The following TSPOAP1 variants were observed in gnomAD, a reference collection of about 807,000 sequenced individuals.
TSPOAP1 encodes the protein peripheral-type benzodiazepine receptor-associated protein 1.
In TSPOAP1, 87 loss-of-function variants were observed where a neutral mutation model predicts 197.0. The ratio of observed to expected loss-of-function variants is 0.44; its 90% CI spans 0.37 to 0.53. The LOEUF (loss-of-function observed/expected upper bound fraction) is 0.53. Ranked by LOEUF, TSPOAP1 falls within the 20% of genes least tolerant of loss-of-function variation. The probability of loss-of-function intolerance (pLI) is 0.00; values close to 1 mark genes in which losing one functional copy is unlikely to be tolerated. For synonymous variants in TSPOAP1, 913 were observed against 998.9 expected (o/e 0.91, Z 1.62); for missense variants, 2,174 against 2,411.3 (o/e 0.90, Z 2.06).
chr17:58,307,600 G>A lies in TSPOAP1; in HGVS notation c.4983+11C>T, dbSNP rs201058081. 5.3e-5 allele frequency: 86 copies of A among 1,612,402 alleles called. No individual in the cohort carries two copies. The highest frequency in any genetic ancestry group is 2.2e-5 in the South Asian group (2 of 90,832). On this transcript the variant is annotated intron_variant, in intron 24 of 31. Coordinates refer to ENST00000343736, the MANE Select transcript of TSPOAP1 (RefSeq NM_004758.4). ...GTTTGGAATTCTGAGCCCTGATGGCGAATCAGTCACCTTCAGGATCTGACC... is the reference window on the plus strand; with the variant it reads ...GTTTGGAATTCTGAGCCCTGATGGCAAATCAGTCACCTTCAGGATCTGACC...
intron 12 of TSPOAP1, among the ~76,000 whole-genome samples, chr17:58,319,571 T>C (rs1317614932): frequency 1.3e-5 from 2 of 152,236 alleles, no homozygotes; most frequent in African/African-American, 4.8e-5. Context: ...CCCTAGGCGA[T>C]GGCACCTCTG....
Position 58,328,169 on chromosome 17 carries a change from G to A in TSPOAP1, c.-249C>T. The A allele has an allele frequency of 1.8e-6, 1 of 548,508 alleles. No homozygotes were observed. The highest frequency in any genetic ancestry group is 3.3e-6 in the Non-Finnish European group (1 of 304,708). 34.0% of individuals were successfully genotyped at this position (548,508 alleles called of 1,614,324 possible). Reference sequence around the variant, plus strand: ...TAGCTGTGTGTGTGCGCGAGTATGTGGAGGAGCGAGGGTGTCCCTGTGGGG... The same window carrying A: ...TAGCTGTGTGTGTGCGCGAGTATGTAGAGGAGCGAGGGTGTCCCTGTGGGG... On this transcript the variant is annotated 5_prime_UTR_variant, in exon 1 of 32. Transcript: ENST00000343736. This position sits in a 1 kb window ranked among gnomAD's most constrained non-coding sequence, Gnocchi z 4.3.
chr17:58,318,442 G>A lies in TSPOAP1; in HGVS notation c.1710C>T (p.Leu570=), dbSNP rs371793191. The part of the protein sequence containing the change: ...CRGSGPKDLD[L]PPGSPGRCTP... ...TGCAGCGCCCAGGGGAGCCCGGCGG[G>A]AGGTCAAGGTCTAAAGAGAAGATGG... Residue 570 remains leucine, a synonymous_variant, in exon 14 of 32, where the codon CTC becomes CTT. Transcript: ENST00000343736. 8.7e-6 allele frequency: 14 copies of A among 1,612,656 alleles called. No homozygotes were observed. In the African/African-American group the frequency reaches 1.5e-4, roughly 17 times the overall value.
chr17:58,311,342 C>CCTCT, intron 18 of TSPOAP1, 129 bp from the exon 19 acceptor site: 1 of 1,368,342 alleles, frequency 7.3e-7, no homozygotes, highest in Non-Finnish European at 9.9e-7. Context: ...TGTGCTAAGC[C>CCTCT]CTCTGCATGG....
Position 58,322,905 on chromosome 17 carries a change from G to A in TSPOAP1, c.1194+45C>T, listed in dbSNP as rs377282189. The A allele has an allele frequency of 6.2e-7, 1 of 1,604,304 alleles. No individual in the cohort carries two copies. Among genetic ancestry groups the A allele is most frequent in the East Asian group, 2.2e-5 (1 of 44,452 alleles). On this transcript the variant is annotated intron_variant, in intron 8 of 31. Transcript: ENST00000343736. This position sits in a 1 kb window ranked among gnomAD's most constrained non-coding sequence, Gnocchi z 5.0. ...AGCCCCTTGGCTGGGGACCGGGGCA[G>A]TGGTGGGAGCACAGGTCTCCACAGC...
rs1971593018 is a variant in TSPOAP1 at position 58,326,134 on chromosome 17, C to G, written c.570+159G>C. On this transcript the variant is annotated intron_variant, in intron 3 of 31. Coordinates refer to ENST00000343736, the MANE Select transcript of TSPOAP1 (RefSeq NM_004758.4). The surrounding 1 kb of genome is among the most constrained non-coding windows in gnomAD (Gnocchi z 4.7). ...AGAAACCTTTGGCCTCCTTGCCTGG[C>G]CAGCCTCTGCCCTTCCTGCACCTTA... is the stretch of plus-strand genomic sequence containing the variant. 6.6e-6 allele frequency among the ~76,000 whole-genome samples: 1 copy of G among 152,190 alleles called. No homozygotes were observed. Among genetic ancestry groups the G allele is most frequent in the Non-Finnish European group, 1.5e-5 (1 of 68,034 alleles).
intron 13 of TSPOAP1, 149 bp from the exon 14 acceptor site, chr17:58,318,601 A>T (rs1956817403): frequency 1.3e-6 from 1 of 756,048 alleles, no homozygotes; most frequent in African/African-American, 1.8e-5. Flanking sequence ...CTTACTAAAT[A>T]GAGGTATAGC....
At chr17:58,323,629 G>T (rs1214936814) in intron 5 of TSPOAP1, 84 bp from the exon 6 acceptor site, 28 of 1,410,502 alleles carry the variant, frequency 2.0e-5, no homozygotes, top group Non-Finnish European at 2.6e-5. Context: ...CCCAGAGCAG[G>T]TTCCCACCCC....
chr17:58,318,281 T>C lies in TSPOAP1; in HGVS notation c.1871A>G (p.Glu624Gly). 6.2e-7 allele frequency: 1 copy of C among 1,613,792 alleles called. No homozygotes were observed. The highest frequency in any genetic ancestry group is 8.5e-7 in the Non-Finnish European group (1 of 1,179,820). ...TTCAGGCCCCACCCCAGCAATTACCTCAGGTGTAGGGCATGACTTGGGGCT... is the reference window on the plus strand; with the variant it reads ...TTCAGGCCCCACCCCAGCAATTACCCCAGGTGTAGGGCATGACTTGGGGCT... ...HNSPKSCPTP[E>G]VDTASEVEEL... The change falls in exon 14 of 32, where the codon GAG (glutamate) becomes GGG (glycine). Residue 624 changes from glutamate (E) to glycine (G), a missense_variant and splice_region_variant. This residue lies in a region of TSPOAP1 where 1,933 missense variants were observed against 2,139.0 expected (regional missense o/e 0.90). Coordinates refer to ENST00000343736, the MANE Select transcript of TSPOAP1 (RefSeq NM_004758.4).
At position 58,309,816 on chromosome 17, in the gene TSPOAP1, G is replaced by A. The variant is rs1971025005; in HGVS notation, c.3891+151C>T. 3 of 1,048,266 alleles carry A rather than the reference G, an allele frequency of 2.9e-6. No homozygotes were observed. Among genetic ancestry groups the A allele is most frequent in the South Asian group, 3.3e-5 (2 of 59,944 alleles). 64.9% of individuals were successfully genotyped at this position (1,048,266 alleles called of 1,614,324 possible). A position where few individuals can be genotyped will look rare whatever the true frequency, so the allele number is the denominator to read the frequency against. On this transcript the variant is annotated intron_variant, in intron 21 of 31. Transcript: ENST00000343736. The surrounding 1 kb of genome is among the most constrained non-coding windows in gnomAD (Gnocchi z 5.0). ...CAGGAGGGCAGGGGCCAATCCTGGGGCACTTCCTATCTTCTGCTTAGGACA... is the reference window on the plus strand; with the variant it reads ...CAGGAGGGCAGGGGCCAATCCTGGGACACTTCCTATCTTCTGCTTAGGACA...
intron 31 of TSPOAP1, 170 bp from the exon 32 acceptor site, chr17:58,302,617 T>A: frequency 3.2e-6 from 1 of 316,028 alleles, no homozygotes; most frequent in Non-Finnish European, 5.6e-6. Flanking sequence ...ACAGCACAGG[T>A]GGTGAATGGG....
intron 10 of TSPOAP1, 100 bp from the exon 11 acceptor site, chr17:58,320,681 G>T: frequency 1.1e-6 from 1 of 927,878 alleles, no homozygotes; most frequent in Non-Finnish European, 1.5e-6. Context: ...CAGAGGCAGG[G>T]GAGGAAGAAG....
intron 10 of TSPOAP1, chr17:58,321,986 G>A (rs1374505632): frequency 1.5e-5 from 5 of 325,158 alleles, no homozygotes; most frequent in Non-Finnish European, 2.8e-5. Context: ...CAGAGCATGT[G>A]CATGTCTACA....
intron 26 of TSPOAP1, 105 bp downstream of exon 26, chr17:58,306,237 C>T (rs1042610452): frequency 8.3e-7 from 1 of 1,199,360 alleles, no homozygotes; most frequent in Non-Finnish European, 1.2e-6. Context: ...CACCCACCAG[C>T]ACACACATCC....
intron 1 of TSPOAP1, among the ~76,000 whole-genome samples, chr17:58,327,035 C>T (rs1346779878): frequency 6.6e-6 from 1 of 152,184 alleles, no homozygotes. Flanking sequence ...CTTCCCATTC[C>T]TACCCATCTT....
intron 10 of TSPOAP1, among the ~76,000 whole-genome samples, chr17:58,321,053 A>G (rs1404729159): frequency 6.6e-6 from 1 of 152,082 alleles, no homozygotes; most frequent in Non-Finnish European, 1.5e-5. Context: ...TCCAAGACCA[A>G]CTTACCCATA....
intron 13 of TSPOAP1, 113 bp from the exon 14 acceptor site, chr17:58,318,565 CA>C: frequency 9.5e-7 from 1 of 1,048,270 alleles, no homozygotes; most frequent in Admixed American, 2.9e-5. Context: ...GGCTTCCTTA[CA>C]AAAAGGGAAA....
At chr17:58,311,416 T>A (rs1009321143) in intron 18 of TSPOAP1, 155 bp downstream of exon 18, 2 of 1,270,140 alleles carry the variant, frequency 1.6e-6, no homozygotes, top group Non-Finnish European at 2.1e-6. Context: ...AAATCTGTCA[T>A]GTGCTGCCAA....
Position 58,327,633 on chromosome 17 carries a change from G to A in TSPOAP1, c.288C>T (p.Pro96=), listed in dbSNP as rs757685028. The change falls in exon 1 of 32, where the codon CCC becomes CCT. Residue 96 remains proline (P), a synonymous_variant. Transcript: ENST00000343736. ...SLGQQASSSG[P]ACQRPEDEEV... is the part of the protein sequence containing the mutation. ...CCTCATCCTCTGGCCTCTGGCAGGC[G>A]GGTCCAGAGCTGGATGCTTGCTGGC... is the stretch of plus-strand genomic sequence containing the variant. The A allele has an allele frequency of 2.7e-5, 44 of 1,613,420 alleles. No homozygotes were observed. The highest frequency in any genetic ancestry group is 5.5e-5 in the South Asian group (5 of 91,088).
Sources: allele counts gnomAD v4.1 joint callset (sites outside exome capture counted in the v4.1 genomes callset), GRCh38; gene constraint gnomAD v4.1.1; regional missense constraint gnomAD v4.1.1; non-coding constraint Gnocchi (gnomAD v3.1); transcripts MANE v1.5; gene names NCBI Gene and HGNC (gene_info 2026-07-23, HGNC 2026-07-21).